PRDM16: variants seen among roughly 807,000 people sequenced by gnomAD.
PRDM16 encodes the protein PR/SET domain 16.
A neutral mutation model predicts 110.6 loss-of-function variants in PRDM16; 23 were observed. The ratio of observed to expected loss-of-function variants is 0.21; its 90% CI spans 0.15 to 0.29. The LOEUF (loss-of-function observed/expected upper bound fraction) is 0.29, where lower values mean the gene tolerates loss of function less well. Ranked by LOEUF, PRDM16 falls within the 10% of genes least tolerant of loss-of-function variation. PRDM16 has a pLI of 1.00. For missense variants in PRDM16, 1,615 were observed against 1,794.3 expected (o/e 0.90, Z 1.81); for synonymous variants, 799 against 781.8 (o/e 1.02, Z -0.37).
intron 3 of PRDM16, among the ~76,000 whole-genome samples, chr1:3,374,358 A>G (rs1175822942): frequency 6.6e-6 from 1 of 152,192 alleles, no homozygotes; most frequent in Non-Finnish European, 1.5e-5. Context: ...AAAATGACAC[A>G]TCTGTAAGCT....
rs745425599 is a variant in PRDM16 at position 3,183,583 on chromosome 1, G to A, written c.38-2542G>A. Among the ~76,000 whole-genome samples the A allele has an allele frequency of 7.9e-5, 12 of 152,344 alleles. No individual in the cohort carries two copies. The South Asian group carries it at 8.3e-4, about 11-fold the overall frequency. The stretch of plus-strand genomic sequence containing the variant: ...GCAATCGCTTAACCCCGTGACCGCC[G>A]GGGAAGGGAGGCCGGGGGCCCAATG... On this transcript the variant is annotated intron_variant, in intron 1 of 16. Transcript: ENST00000270722.
intron 1 of PRDM16, among the ~76,000 whole-genome samples, chr1:3,125,623 C>T (rs901532080): frequency 5.9e-5 from 9 of 152,328 alleles, no homozygotes; most frequent in South Asian, 2.1e-4. Context: ...GTCCCTGGAC[C>T]GGGCTCCGCT....
chr1:3,272,723 G>A (rs1359334155), intron 3 of PRDM16, among the ~76,000 whole-genome samples: 1 of 152,228 alleles, frequency 6.6e-6, no homozygotes, highest in African/African-American at 2.4e-5. Flanking sequence ...ACCACCACTC[G>A]GAGCTCTGCC....
At chr1:3,335,877 A>C (rs1376441837) in intron 3 of PRDM16, among the ~76,000 whole-genome samples, 1 of 152,108 alleles carries the variant, frequency 6.6e-6, no homozygotes, top group Non-Finnish European at 1.5e-5. Context: ...TCCTGCACTG[A>C]AGTGTGGGAG....
In PRDM16 at chr1:3,182,657, T is replaced by G. The variant is rs112506692; in HGVS notation, c.38-3468T>G. On this transcript the variant is annotated intron_variant, in intron 1 of 16. Transcript: ENST00000270722. Reference sequence around the variant, plus strand: ...GCGAGGGGCAGAGGTCACCGTGGGCTCCCAGCCAGCTCGGTCTCTGTCCCA... The same window carrying G: ...GCGAGGGGCAGAGGTCACCGTGGGCGCCCAGCCAGCTCGGTCTCTGTCCCA... Among the ~76,000 whole-genome samples the G allele has an allele frequency of 1.8e-3, 268 of 152,252 alleles. 2 individuals are homozygous for G. Among genetic ancestry groups the G allele is most frequent in the African/African-American group, 6.3e-3 (260 of 41,524 alleles).
At chr1:3,107,813 C>T (rs1379798320) in intron 1 of PRDM16, among the ~76,000 whole-genome samples, 2 of 152,272 alleles carry the variant, frequency 1.3e-5, no homozygotes, top group Non-Finnish European at 2.9e-5. Context: ...TCACTCTCTC[C>T]CTGCCCTGGG....
At chr1:3,341,970 T>C (rs2483283) in intron 3 of PRDM16, among the ~76,000 whole-genome samples, 50,074 of 151,928 alleles carry the variant, frequency 0.33, 8,496 homozygotes, top group South Asian at 0.47. Context: ...GGTAACCCCA[T>C]CTCAAGTTGA....
intron 1 of PRDM16, among the ~76,000 whole-genome samples, chr1:3,140,034 A>G (rs1002929568): frequency 7.2e-5 from 11 of 152,200 alleles, no homozygotes; most frequent in Non-Finnish European, 1.0e-4. Flanking sequence ...CGGAGAATGG[A>G]CCGCGGGCTC....
At chr1:3,276,063 C>G (rs568086977) in intron 3 of PRDM16, among the ~76,000 whole-genome samples, 1 of 152,224 alleles carries the variant, frequency 6.6e-6, no homozygotes, top group Non-Finnish European at 1.5e-5. Context: ...GACACCACGT[C>G]GTGTTGACAA....
chr1:3,351,263 G>A (rs1296695357), intron 3 of PRDM16, among the ~76,000 whole-genome samples: 1 of 152,092 alleles, frequency 6.6e-6, no homozygotes, highest in East Asian at 1.9e-4. Context: ...GTCCCTCCAG[G>A]TGGAAAAGAC....
intron 3 of PRDM16, among the ~76,000 whole-genome samples, chr1:3,278,938 G>A (rs572831481): frequency 6.6e-6 from 1 of 152,222 alleles, no homozygotes; most frequent in East Asian, 1.9e-4. Flanking sequence ...CCCTCCGGCC[G>A]GCCCTGGAGA....
intron 12 of PRDM16, among the ~76,000 whole-genome samples, chr1:3,422,608 G>C (rs1354824408): frequency 3.9e-5 from 6 of 152,264 alleles, no homozygotes; most frequent in African/African-American, 1.4e-4. Flanking sequence ...GTCTAAGGAT[G>C]TGTCAGGGTG....
At chr1:3,362,606 C>T (rs1283965131) in intron 3 of PRDM16, among the ~76,000 whole-genome samples, 1 of 152,114 alleles carries the variant, frequency 6.6e-6, no homozygotes. Flanking sequence ...TGCCGAGGGC[C>T]TTCGGGTCAC....
intron 1 of PRDM16, among the ~76,000 whole-genome samples, chr1:3,123,064 T>C (rs1369814991): frequency 2.6e-5 from 4 of 152,318 alleles, no homozygotes; most frequent in South Asian, 2.1e-4. Context: ...GTCAGTGTTC[T>C]TCGGTGTAAA....
intron 4 of PRDM16, among the ~76,000 whole-genome samples, chr1:3,393,947 G>GCAGGTC (rs1643339781): frequency 1.3e-5 from 2 of 152,240 alleles, no homozygotes; most frequent in African/African-American, 4.8e-5. Flanking sequence ...CCCTCCTCCT[G>GCAGGTC]CAGGTCCAGG....
chr1:3,098,586 C>CA (rs1363641818), intron 1 of PRDM16, among the ~76,000 whole-genome samples: 6 of 152,192 alleles, frequency 3.9e-5, no homozygotes, highest in Non-Finnish European at 7.3e-5. Flanking sequence ...AGACCCCAGG[C>CA]AAAGCCACAG....
intron 1 of PRDM16, among the ~76,000 whole-genome samples, chr1:3,089,928 TCATC>T (rs1642237198): frequency 6.6e-6 from 1 of 152,082 alleles, no homozygotes; most frequent in African/African-American, 2.4e-5. Flanking sequence ...ATTCATTCAT[TCATC>T]CATTCATTCC....
At chr1:3,299,737 C>A (rs1271807097) in intron 3 of PRDM16, among the ~76,000 whole-genome samples, 3 of 94,828 alleles carry the variant, frequency 3.2e-5, no homozygotes, top group South Asian at 4.8e-4. Flanking sequence ...ATGATGTTTC[C>A]GATCCCAGTC....
chr1:3,438,423 A>G lies in PRDM16; in HGVS notation c.*4612A>G, dbSNP rs552790071. 5.9e-5 allele frequency: 12 copies of G among 203,628 alleles called. No homozygotes were observed. The South Asian group carries it at 1.3e-3, about 23-fold the overall frequency. 12.6% of individuals were successfully genotyped at this position (203,628 alleles called of 1,614,324 possible). A position where few individuals can be genotyped will look rare whatever the true frequency, so the allele number is the denominator to read the frequency against. ...AGTGTAGGAAATCATGAAAAGAACA[A>G]TTTTGCAAATTGCATTCTGATGCTT... On this transcript the variant is annotated 3_prime_UTR_variant, in exon 17 of 17. Coordinates refer to ENST00000270722, the MANE Select transcript of PRDM16 (RefSeq NM_022114.4).
Sources: gnomAD v4.1 joint callset for allele counts (sites outside exome capture counted in the v4.1 genomes callset) on GRCh38, gnomAD v4.1.1 for gene constraint, MANE v1.5 for transcripts, NCBI Gene and HGNC (gene_info 2026-07-23, HGNC 2026-07-21) for gene names.